UNC5C: variants seen among roughly 807,000 people sequenced by gnomAD.
UNC5C encodes netrin receptor UNC5C.
Under a neutral mutation model 99.8 loss-of-function variants are expected in UNC5C, and 47 were observed. The observed-to-expected ratio is 0.47, with a 90% CI of 0.37 to 0.60. The LOEUF (loss-of-function observed/expected upper bound fraction) is 0.60, where lower values mean the gene tolerates loss of function less well. UNC5C is among the 20% of genes least tolerant of loss of function. The pLI is 0.00. For synonymous variants in UNC5C, 487 were observed against 452.2 expected (o/e 1.08, Z -0.98); for missense variants, 1,062 against 1,165.9 (o/e 0.91, Z 1.30).
intron 14 of UNC5C, among the ~76,000 whole-genome samples, chr4:95,173,872 G>A (rs1487625980): frequency 2.6e-5 from 4 of 151,970 alleles, no homozygotes; most frequent in Admixed American, 2.6e-4. Flanking sequence ...ATCTGGTCCT[G>A]GACTCTTTTT....
chr4:95,430,822 C>T (rs962863452), intron 1 of UNC5C, among the ~76,000 whole-genome samples: 8 of 152,014 alleles, frequency 5.3e-5, no homozygotes, highest in African/African-American at 1.9e-4. Flanking sequence ...AGCCTAAGAA[C>T]GTGAAAGAAC....
intron 1 of UNC5C, among the ~76,000 whole-genome samples, chr4:95,534,019 T>A (rs913570862): frequency 6.6e-6 from 1 of 152,176 alleles, no homozygotes; most frequent in Non-Finnish European, 1.5e-5. Flanking sequence ...CCTATAAAGA[T>A]AAAACATTTT....
chr4:95,225,589 TA>T (rs1046622935), intron 7 of UNC5C, among the ~76,000 whole-genome samples: 1 of 151,902 alleles, frequency 6.6e-6, no homozygotes, highest in African/African-American at 2.4e-5. Context: ...AATAAAATAT[TA>T]AAAAAATTAA....
chr4:95,460,834 C>T (rs969055005), intron 1 of UNC5C, among the ~76,000 whole-genome samples: 3 of 152,130 alleles, frequency 2.0e-5, no homozygotes, highest in East Asian at 3.9e-4. Context: ...TCATCACATT[C>T]CTGGGTCCAC....
chr4:95,474,610 G>A (rs1662783612), intron 1 of UNC5C, among the ~76,000 whole-genome samples: 3 of 152,002 alleles, frequency 2.0e-5, no homozygotes, highest in Admixed American at 2.0e-4. Flanking sequence ...AATTTTAAAA[G>A]ACACTGACTA....
At chr4:95,510,373 T>C (rs527617662) in intron 1 of UNC5C, among the ~76,000 whole-genome samples, 56 of 152,200 alleles carry the variant, frequency 3.7e-4, no homozygotes, top group African/African-American at 1.2e-3. Context: ...CAGTTATAAA[T>C]ACGTGAATGA....
chr4:95,456,525 CTGAAAA>C lies in UNC5C; in HGVS notation c.124+92203_124+92208del, dbSNP rs1164281298. 9.2e-5 allele frequency among the ~76,000 whole-genome samples: 14 copies of C among 152,094 alleles called. No individual in the cohort carries two copies. The East Asian group carries it at 2.3e-3, about 25-fold the overall frequency. ...TTGGTTCTAGTGTTCAATATAAATC[CTGAAAA>C]TGAAGTGAATGGCTGCCTTTACACT... On this transcript the variant is annotated intron_variant, in intron 1 of 15. Transcript: ENST00000453304.
intron 14 of UNC5C, among the ~76,000 whole-genome samples, chr4:95,180,228 G>T (rs181572514): frequency 1.8e-4 from 27 of 152,314 alleles, no homozygotes; most frequent in African/African-American, 6.3e-4. Context: ...GGCAAGAAAG[G>T]ATTAAGTAAT....
chr4:95,232,295 G>A (rs190908020), intron 7 of UNC5C, among the ~76,000 whole-genome samples: 62 of 150,632 alleles, frequency 4.1e-4, no homozygotes, highest in Admixed American at 1.7e-3. Flanking sequence ...TTTTATATAA[G>A]TGTTATATTA....
chr4:95,444,303 C>T (rs1483519766), intron 1 of UNC5C, among the ~76,000 whole-genome samples: 1 of 150,854 alleles, frequency 6.6e-6, no homozygotes, highest in Non-Finnish European at 1.5e-5. Flanking sequence ...TGTCTGACAG[C>T]AAGTAAATAG....
intron 1 of UNC5C, among the ~76,000 whole-genome samples, chr4:95,338,081 G>T (rs1044664861): frequency 1.3e-5 from 2 of 151,912 alleles, no homozygotes; most frequent in Admixed American, 6.6e-5. Context: ...ATGTACAGTG[G>T]GACAGATATG....
At chr4:95,513,011 A>G (rs371844691) in intron 1 of UNC5C, among the ~76,000 whole-genome samples, 1 of 152,210 alleles carries the variant, frequency 6.6e-6, no homozygotes, top group Non-Finnish European at 1.5e-5. Context: ...CAACAACAAC[A>G]ACAAAAATTT....
intron 1 of UNC5C, among the ~76,000 whole-genome samples, chr4:95,453,359 G>GTC (rs1747328613): frequency 6.6e-6 from 1 of 152,020 alleles, no homozygotes; most frequent in African/African-American, 2.4e-5. Flanking sequence ...AAAGCCAAAT[G>GTC]TTGGATAAGA....
At chr4:95,511,370 T>A (rs137865531) in intron 1 of UNC5C, among the ~76,000 whole-genome samples, 274 of 152,226 alleles carry the variant, frequency 1.8e-3, no homozygotes, top group African/African-American at 6.3e-3. Context: ...GACGTCAACA[T>A]TTTTATGGCA....
intron 1 of UNC5C, among the ~76,000 whole-genome samples, chr4:95,536,603 G>A (rs1310863113): frequency 2.0e-5 from 3 of 152,196 alleles, no homozygotes; most frequent in South Asian, 4.1e-4. Flanking sequence ...TAAATTTATT[G>A]TGTGGCCAAA....
chr4:95,182,851 G>T (rs1375105181), intron 14 of UNC5C, 46 bp downstream of exon 14: 2 of 1,573,998 alleles, frequency 1.3e-6, no homozygotes, highest in African/African-American at 1.3e-5. Flanking sequence ...CTGTCTTCCT[G>T]AGTGTCGCAC....
intron 1 of UNC5C, among the ~76,000 whole-genome samples, chr4:95,394,105 T>TA (rs1299868469): frequency 6.6e-6 from 1 of 152,192 alleles, no homozygotes; most frequent in Non-Finnish European, 1.5e-5. Flanking sequence ...TTTAATGTAC[T>TA]AAAGCTCATA....
chr4:95,323,755 G>A (rs985437938), intron 2 of UNC5C, among the ~76,000 whole-genome samples: 1 of 152,188 alleles, frequency 6.6e-6, no homozygotes, highest in Non-Finnish European at 1.5e-5. Flanking sequence ...TAAGGTTTTC[G>A]GGTCAGGTGC....
chr4:95,492,482 G>A (rs1427419734), intron 1 of UNC5C, among the ~76,000 whole-genome samples: 5 of 151,306 alleles, frequency 3.3e-5, no homozygotes, highest in Admixed American at 3.3e-4. Flanking sequence ...TCTGTCCTTT[G>A]TTTTTATGAT....
Sources: gnomAD v4.1 joint callset for allele counts (sites outside exome capture counted in the v4.1 genomes callset) on GRCh38, gnomAD v4.1.1 for gene constraint, MANE v1.5 for transcripts, NCBI Gene and HGNC (gene_info 2026-07-23, HGNC 2026-07-21) for gene names.